The following PTGIR variants were observed in gnomAD, a reference collection of about 807,000 sequenced individuals.
PTGIR encodes the protein prostaglandin I2 receptor.
In PTGIR, 16 loss-of-function variants were observed where a neutral mutation model predicts 17.6. The ratio of observed to expected loss-of-function variants is 0.91; its 90% CI spans 0.61 to 1.38. PTGIR has a LOEUF of 1.38. Among genes scored for constraint, PTGIR ranks in the 40% most tolerant of loss-of-function variants. The pLI, the probability that PTGIR is intolerant of heterozygous loss-of-function variation, is 0.00. For synonymous variants in PTGIR, 274 were observed against 255.4 expected, an observed-to-expected ratio of 1.07 and a Z score of -0.69; for missense variants, 532 against 548.6, an observed-to-expected ratio of 0.97 and a Z score of 0.30.
downstream of PTGIR, among the ~76,000 whole-genome samples, chr19:46,618,416 T>C (rs1971994115): frequency 6.6e-6 from 1 of 152,028 alleles, no homozygotes; most frequent in African/African-American, 2.4e-5. Flanking sequence ...TCCCAAAGTG[T>C]TGGGATTACA....
At chr19:46,616,772 C>A (rs1475118729), downstream of PTGIR, among the ~76,000 whole-genome samples, 2 of 152,246 alleles carry the variant, frequency 1.3e-5, no homozygotes, top group Admixed American at 6.5e-5. Context: ...CTGTCTCCCC[C>A]ACCAAACTGA....
intron 2 of PTGIR, 173 bp downstream of exon 2, chr19:46,623,285 C>A: frequency 2.6e-6 from 2 of 767,490 alleles, no homozygotes; most frequent in Non-Finnish European, 3.9e-6. Flanking sequence ...GTGTGAGCCA[C>A]CGCATCCGGT....
Position 46,620,763 on chromosome 19 carries a change from G to A in PTGIR, c.*517C>T, listed in dbSNP as rs28609887. 7.2e-3 allele frequency: 7,135 copies of A among 986,070 alleles called. 358 individuals are homozygous for A. The African/African-American group carries it at 0.11, about 15-fold the overall frequency. The allele number at this position is 986,070 out of a possible 1,614,324, so 61.1% of individuals were successfully genotyped here. On this transcript the variant is annotated 3_prime_UTR_variant, in exon 3 of 3. Coordinates refer to ENST00000291294, the MANE Select transcript of PTGIR (RefSeq NM_000960.4). ...TGGGATGCCAGGGCTCCCAAGCCTG[G>A]TGGGGGACCAGCGGCAAGGGAAGGC...
At chr19:46,620,405 T>C (rs1232098566), downstream of PTGIR, 2 of 982,288 alleles carry the variant, frequency 2.0e-6, no homozygotes, top group African/African-American at 3.5e-5. Flanking sequence ...CCCAGCCAAG[T>C]ATCTGTTGAA....
the PTGIR span, chr19:46,614,319 A>C: frequency 9.7e-6 from 9 of 928,720 alleles, no homozygotes; most frequent in African/African-American, 1.6e-4. Context: ...GGCAATGACC[A>C]CGGAAGACCC....
At chr19:46,613,121 G>A in the PTGIR span, among the ~76,000 whole-genome samples, 1 of 124,950 alleles carries the variant, frequency 8.0e-6, no homozygotes, top group Non-Finnish European at 1.6e-5. Context: ...TCGGTTCACT[G>A]CAACCTCTGC....
rs1214028108 is a variant in PTGIR at position 46,624,073 on chromosome 19, C to T, written c.153G>A (p.Val51=). ...RRPARPSAFA[V]LVTGLAATDL... is the part of the protein sequence containing the mutation. ...CGGTGGCCGCCAGTCCGGTCACCAGCACCGCGAAGGCCGAGGGGCGCGCCG... is the reference window on the plus strand; with the variant it reads ...CGGTGGCCGCCAGTCCGGTCACCAGTACCGCGAAGGCCGAGGGGCGCGCCG... The change falls in exon 2 of 3, where the codon GTG becomes GTA. Residue 51 remains valine, a synonymous_variant. Transcript: ENST00000291294. The T allele has an allele frequency of 6.5e-7, 1 of 1,541,516 alleles. No individual in the cohort carries two copies. The highest frequency in any genetic ancestry group is 1.2e-5 in the South Asian group (1 of 83,876).
chr19:46,620,859 G>GGGGGA lies in PTGIR; in HGVS notation c.*416_*420dup, dbSNP rs2122324023. 1.0e-6 allele frequency: 1 copy of GGGGGA among 990,670 alleles called. No individual in the cohort carries two copies. The highest frequency in any genetic ancestry group is 1.1e-4 in the East Asian group (1 of 9,070). 61.4% of individuals were successfully genotyped at this position (990,670 alleles called of 1,614,324 possible). A position where few individuals can be genotyped will look rare whatever the true frequency, so the allele number is the denominator to read the frequency against. On this transcript the variant is annotated 3_prime_UTR_variant, in exon 3 of 3. Coordinates refer to ENST00000291294, the MANE Select transcript of PTGIR (RefSeq NM_000960.4). ...CTGGCTCTTGGAGTGGCTTGGTAGA[G>GGGGGA]GGGGAGGGCCATCCCCTGGGGACTT...
chr19:46,619,606 A>AAAG (rs1292983465), downstream of PTGIR, among the ~76,000 whole-genome samples: 12 of 105,646 alleles, frequency 1.1e-4, no homozygotes, highest in Non-Finnish European at 2.0e-4. Flanking sequence ...GAAAGAAAGG[A>AAAG]AAGAAAGAAA....
chr19:46,619,471 G>T (rs1281085791), downstream of PTGIR, among the ~76,000 whole-genome samples: 1 of 144,246 alleles, frequency 6.9e-6, no homozygotes, highest in East Asian at 2.0e-4. Flanking sequence ...CTCCAGCCTG[G>T]GTGACAGAGT....
chr19:46,623,466 G>A lies in PTGIR; in HGVS notation c.760C>T (p.Pro254Ser). The A allele has an allele frequency of 6.4e-7, 1 of 1,561,044 alleles. No individual in the cohort carries two copies. Among genetic ancestry groups the A allele is most frequent in the Non-Finnish European group, 8.7e-7 (1 of 1,150,440 alleles). ...CTCCGGAGGGGACTCACCGTGAGAG[G>A]CAGGGAGCACACGGCCATGACCACT... is the stretch of plus-strand genomic sequence containing the variant. ...MTVVMAVCSL[P>S]LTIRCFTQAV... Residue 254 changes from proline to serine, a missense_variant, in exon 2 of 3, where the codon CCT (proline) becomes TCT (serine). By Grantham distance (74) the Pro-to-Ser change is moderately conservative. Transcript: ENST00000291294.
Position 46,624,214 on chromosome 19 carries a change from C to G in PTGIR, c.12G>C (p.Ser4=). The G allele has an allele frequency of 6.9e-7, 1 of 1,448,492 alleles. No individual in the cohort carries two copies. The highest frequency in any genetic ancestry group is 9.0e-7 in the Non-Finnish European group (1 of 1,106,396). 89.7% of individuals were successfully genotyped at this position (1,448,492 alleles called of 1,614,324 possible). Residue 4 remains serine (S), a synonymous_variant, in exon 2 of 3, where the codon TCG becomes TCC. Transcript: ENST00000291294. MAD[S]CRNLTYVRGS... Reference sequence around the variant, plus strand: ...CCCGCACGTAGGTGAGGTTCCTGCACGAATCCGCCATCCCAGGTCTGGGCT... The same window carrying G: ...CCCGCACGTAGGTGAGGTTCCTGCAGGAATCCGCCATCCCAGGTCTGGGCT...
At chr19:46,624,855 C>T (rs1283612764) in intron 1 of PTGIR, 142 bp downstream of exon 1, 1 of 152,254 alleles carries the variant, frequency 6.6e-6, no homozygotes, top group Non-Finnish European at 1.5e-5. Flanking sequence ...TCTTTCCCTC[C>T]CTGTCTCTCG....
chr19:46,621,265 G>C lies in PTGIR; in HGVS notation c.*15C>G. ...CCCGAAGACAGGGCAGAGATCACAG[G>C]GTCAGCTTGAAATGTCAGCAGAGGG... On this transcript the variant is annotated 3_prime_UTR_variant, in exon 3 of 3. Transcript: ENST00000291294. The surrounding 1 kb of genome is among the most constrained non-coding windows in gnomAD (Gnocchi z 4.8). The C allele has an allele frequency of 6.7e-7, 1 of 1,501,324 alleles. No individual in the cohort carries two copies. Among genetic ancestry groups the C allele is most frequent in the Non-Finnish European group, 8.9e-7 (1 of 1,124,052 alleles). 93.0% of individuals were successfully genotyped at this position (1,501,324 alleles called of 1,614,324 possible).
chr19:46,611,708 A>G, the PTGIR span, among the ~76,000 whole-genome samples: 2 of 152,168 alleles, frequency 1.3e-5, no homozygotes, highest in African/African-American at 4.8e-5. Context: ...AGAGTTTGAG[A>G]CCAGCCTGGG....
In PTGIR at chr19:46,624,146, C is replaced by A; in HGVS notation, c.80G>T (p.Gly27Val). Residue 27 changes from glycine (G) to valine (V), a missense_variant, in exon 2 of 3, where the codon GGT becomes GTT. Coordinates refer to ENST00000291294, the MANE Select transcript of PTGIR (RefSeq NM_000960.4). ...CAGGGCCAGCCCGTTGCCCACCACA[C>A]CGGCCACGAACATCAGGGTGCTGGT... ...PATSTLMFVA[G>V]VVGNGLALGI... is the part of the protein sequence containing the mutation. 1.3e-6 allele frequency: 2 copies of A among 1,528,936 alleles called. No individual in the cohort carries two copies. Among genetic ancestry groups the A allele is most frequent in the Non-Finnish European group, 8.7e-7 (1 of 1,144,990 alleles). 94.7% of individuals were successfully genotyped at this position (1,528,936 alleles called of 1,614,324 possible). A position where few individuals can be genotyped will look rare whatever the true frequency, so the allele number is the denominator to read the frequency against.
At chr19:46,616,048 T>A (rs1332873042), downstream of PTGIR, among the ~76,000 whole-genome samples, 1 of 151,784 alleles carries the variant, frequency 6.6e-6, no homozygotes, top group African/African-American at 2.4e-5. Flanking sequence ...GCGATCCACC[T>A]GCCTCGGCCT....
At chr19:46,623,269 T>A (rs2052751552) in intron 2 of PTGIR, 189 bp downstream of exon 2, 1 of 639,774 alleles carries the variant, frequency 1.6e-6, no homozygotes. Flanking sequence ...AGTGCTGGGA[T>A]TACAGGTGTG....
downstream of PTGIR, among the ~76,000 whole-genome samples, chr19:46,616,395 G>A (rs975448358): frequency 1.4e-4 from 19 of 140,378 alleles, no homozygotes; most frequent in East Asian, 4.1e-4. Flanking sequence ...GTGCAGTGGC[G>A]TGATCTCGGC....
Sources: gnomAD v4.1 joint callset for allele counts (sites outside exome capture counted in the v4.1 genomes callset) on GRCh38, gnomAD v4.1.1 for gene constraint, Gnocchi (gnomAD v3.1) non-coding constraint, MANE v1.5 for transcripts, NCBI Gene and HGNC (gene_info 2026-07-23, HGNC 2026-07-21) for gene names.